PIEZO2: variants seen among roughly 807,000 people sequenced by gnomAD.
PIEZO2 encodes the protein piezo-type mechanosensitive ion channel component 2.
A neutral mutation model predicts 337.3 loss-of-function variants in PIEZO2; 172 were observed. The ratio of observed to expected loss-of-function variants is 0.51; its 90% CI spans 0.45 to 0.58. The LOEUF is 0.58. Ranked by LOEUF, PIEZO2 falls within the 20% of genes least tolerant of loss-of-function variation. PIEZO2 has a pLI of 0.00. For synonymous variants in PIEZO2, 1,251 were observed against 1,228.5 expected, an observed-to-expected ratio of 1.02 and a Z score of -0.38; for missense variants, 3,028 against 3,391.3, an observed-to-expected ratio of 0.89 and a Z score of 2.66.
rs1598589811 is a variant in PIEZO2, at chr18:10,856,527, C to G, written c.703+474G>C. On this transcript the variant is annotated intron_variant, in intron 6 of 55. Coordinates refer to ENST00000674853, the MANE Select transcript of PIEZO2 (RefSeq NM_001378183.1). The surrounding 1 kb of genome is among the most constrained non-coding windows in gnomAD (Gnocchi z 4.7). ...AAGTCCAAAATTTAAAGGAAGTGAG[C>G]GTCTGTGCTGGAAGATTACAATCTA... is the stretch of plus-strand genomic sequence containing the variant. Among the ~76,000 whole-genome samples, 1 of 152,102 alleles carries G rather than the reference C, an allele frequency of 6.6e-6. No homozygotes were observed. Among genetic ancestry groups the G allele is most frequent in the East Asian group, 1.9e-4 (1 of 5,188 alleles).
chr18:10,786,749 T>C (rs991833136), intron 16 of PIEZO2, among the ~76,000 whole-genome samples: 2 of 152,208 alleles, frequency 1.3e-5, no homozygotes, highest in Admixed American at 6.5e-5. Context: ...TGAGCTCCAA[T>C]GTGGAGGGCA....
chr18:11,057,056 C>T (rs1452455927), intron 2 of PIEZO2, among the ~76,000 whole-genome samples: 1 of 151,834 alleles, frequency 6.6e-6, no homozygotes, highest in Admixed American at 6.6e-5. Context: ...GGGATGTTCA[C>T]AGCTGATGGA....
chr18:11,025,665 T>A (rs2036515007), intron 2 of PIEZO2, among the ~76,000 whole-genome samples: 1 of 152,162 alleles, frequency 6.6e-6, no homozygotes, highest in Admixed American at 6.5e-5. Flanking sequence ...ACACAGACAT[T>A]TCCTGAATGT....
rs545584286 is a variant in PIEZO2, at chr18:11,009,405, G to A, written c.161-29745C>T. Among the ~76,000 whole-genome samples, 58 of 152,230 alleles carry A rather than the reference G, an allele frequency of 3.8e-4. No individual in the cohort carries two copies. The highest frequency in any genetic ancestry group is 1.4e-3 in the African/African-American group (57 of 41,542). On this transcript the variant is annotated intron_variant, in intron 2 of 55. Coordinates refer to ENST00000674853, the MANE Select transcript of PIEZO2 (RefSeq NM_001378183.1). The surrounding 1 kb of genome is among the most constrained non-coding windows in gnomAD (Gnocchi z 4.6). ...ATGGGTACACTGTAAAAGCTCCCTC[G>A]GTAATTCCACAGTGAGCCAGGGCTG...
At position 10,670,851 on chromosome 18, in the gene PIEZO2, C is replaced by T. The variant is rs2033739049; in HGVS notation, c.*676G>A. On this transcript the variant is annotated 3_prime_UTR_variant, in exon 56 of 56. Coordinates refer to ENST00000674853, the MANE Select transcript of PIEZO2 (RefSeq NM_001378183.1). ...AGGTGTACACATCATTTGTTTTGCTCCTTTTTTTTTTTTTTCCTGAGAAGT... is the reference window on the plus strand; with the variant it reads ...AGGTGTACACATCATTTGTTTTGCTTCTTTTTTTTTTTTTTCCTGAGAAGT... 6.6e-6 allele frequency: 1 copy of T among 151,646 alleles called. No individual in the cohort carries two copies. The highest frequency in any genetic ancestry group is 2.4e-5 in the African/African-American group (1 of 41,082). The allele number at this position is 151,646 out of a possible 1,614,324, so 9.4% of individuals were successfully genotyped here. A position where few individuals can be genotyped will look rare whatever the true frequency, so the allele number is the denominator to read the frequency against.
rs1279812455 is a variant in PIEZO2, at chr18:11,096,234, GC to G, written c.65-30013del. The stretch of plus-strand genomic sequence containing the variant: ...GAAGAAGCCATGAGAAGGACCACGT[GC>G]CCTTTGCCAGACCAAGCCTGTCCAC... On this transcript the variant is annotated intron_variant, in intron 1 of 55. Coordinates refer to ENST00000674853, the MANE Select transcript of PIEZO2 (RefSeq NM_001378183.1). This position sits in a 1 kb window ranked among gnomAD's most constrained non-coding sequence, Gnocchi z 4.6. Among the ~76,000 whole-genome samples, 6 of 152,210 alleles carry G rather than the reference GC, an allele frequency of 3.9e-5. No homozygotes were observed. In the East Asian group the frequency reaches 9.6e-4, roughly 24 times the overall value.
intron 2 of PIEZO2, among the ~76,000 whole-genome samples, chr18:10,996,796 C>A (rs1168039045): frequency 2.0e-5 from 3 of 152,086 alleles, no homozygotes; most frequent in Non-Finnish European, 4.4e-5. Flanking sequence ...TGTTTGAGTA[C>A]CTGATTGCAA....
intron 3 of PIEZO2, among the ~76,000 whole-genome samples, chr18:10,911,666 A>T (rs2030487705): frequency 6.6e-6 from 1 of 152,164 alleles, no homozygotes; most frequent in Non-Finnish European, 1.5e-5. Flanking sequence ...GAGGCAGGAG[A>T]ATCACTTGAA....
At chr18:10,851,389 G>T (rs906325880) in intron 7 of PIEZO2, among the ~76,000 whole-genome samples, 15 of 152,020 alleles carry the variant, frequency 9.9e-5, no homozygotes, top group Admixed American at 4.6e-4. Flanking sequence ...TCTATTCCCT[G>T]ATAAGCAACT....
chr18:10,836,984 G>A (rs1001119279), intron 7 of PIEZO2, among the ~76,000 whole-genome samples: 2 of 152,184 alleles, frequency 1.3e-5, no homozygotes, highest in African/African-American at 4.8e-5. Flanking sequence ...AAGGGCCACT[G>A]AGGATACTCA....
intron 4 of PIEZO2, among the ~76,000 whole-genome samples, chr18:10,902,322 T>C (rs1598656177): frequency 6.6e-6 from 1 of 152,336 alleles, no homozygotes; most frequent in East Asian, 1.9e-4. Flanking sequence ...GACCGAAGTT[T>C]AACTCATTGC....
intron 1 of PIEZO2, among the ~76,000 whole-genome samples, chr18:11,137,022 T>C (rs2040508487): frequency 6.6e-6 from 1 of 152,242 alleles, no homozygotes; most frequent in African/African-American, 2.4e-5. Flanking sequence ...GCTCCTTTAT[T>C]TCTGCAGATA....
intron 2 of PIEZO2, among the ~76,000 whole-genome samples, chr18:10,996,378 G>C (rs1405975622): frequency 6.6e-6 from 1 of 152,154 alleles, no homozygotes; most frequent in Admixed American, 6.5e-5. Flanking sequence ...ATAAAAAATA[G>C]ATCATTTCAA....
In PIEZO2 at chr18:10,886,380, GTATATATATATATATATATATA is replaced by G. The variant is rs1173330460; in HGVS notation, c.330-14987_330-14966del. ...CACACACATATATATGTGTGTGTGT[GTATATATATATATATATATATA>G]TATATATATATATATATATATGTAA... On this transcript the variant is annotated intron_variant, in intron 4 of 55. Coordinates refer to ENST00000674853, the MANE Select transcript of PIEZO2 (RefSeq NM_001378183.1). Among the ~76,000 whole-genome samples, 2 of 3,040 alleles carry G rather than the reference GTATATATATATATATATATATA, an allele frequency of 6.6e-4. 1 individual carries two copies. Among genetic ancestry groups the G allele is most frequent in the African/African-American group, 5.6e-3 (2 of 356 alleles). 2.0% of individuals were successfully genotyped at this position (3,040 alleles called of 152,430 possible).
intron 2 of PIEZO2, among the ~76,000 whole-genome samples, chr18:11,022,085 G>A (rs756186038): frequency 1.4e-4 from 21 of 152,168 alleles, no homozygotes; most frequent in Non-Finnish European, 2.9e-4. Flanking sequence ...AAACAAACGG[G>A]CGCTGCCTAA....
intron 22 of PIEZO2, 60 bp downstream of exon 22, chr18:10,762,862 A>G (rs2038195340): frequency 3.3e-6 from 5 of 1,494,628 alleles, no homozygotes; most frequent in Admixed American, 4.2e-5. Context: ...GGGTTCCCCA[A>G]GTATCTGCCT....
chr18:10,931,386 A>C (rs916970015), intron 3 of PIEZO2, among the ~76,000 whole-genome samples: 1 of 151,970 alleles, frequency 6.6e-6, no homozygotes, highest in Non-Finnish European at 1.5e-5. Flanking sequence ...TTTTTAGTAG[A>C]GACAGGGTTT....
chr18:10,741,030 C>T lies in PIEZO2; in HGVS notation c.4708+1G>A. 1.3e-6 allele frequency: 2 copies of T among 1,536,590 alleles called. No homozygotes were observed. The highest frequency in any genetic ancestry group is 1.7e-6 in the Non-Finnish European group (2 of 1,146,320). ...GTTGTAAGGGGATCGAGAAAACCTA[C>T]TGGAAGCATGATCAACCCAAGGCCG... is the stretch of plus-strand genomic sequence containing the variant. On this transcript the variant is annotated splice_donor_variant, in intron 33 of 55. Transcript: ENST00000674853. LOFTEE classifies it high-confidence loss of function.
intron 37 of PIEZO2, among the ~76,000 whole-genome samples, chr18:10,717,231 TG>T (rs1160118071): frequency 6.6e-5 from 10 of 152,198 alleles, no homozygotes; most frequent in Non-Finnish European, 1.5e-4. Flanking sequence ...AAACAAGACA[TG>T]TGATCTGAAG....
Sources: gnomAD v4.1 joint callset for allele counts (sites outside exome capture counted in the v4.1 genomes callset) on GRCh38, gnomAD v4.1.1 for gene constraint, Gnocchi (gnomAD v3.1) non-coding constraint, MANE v1.5 for transcripts, NCBI Gene and HGNC (gene_info 2026-07-23, HGNC 2026-07-21) for gene names.